The following CD55 variants were observed in gnomAD, a reference collection of about 807,000 sequenced individuals.
CD55 encodes the protein CD55 molecule (Cromer blood group), also known as complement decay-accelerating factor.
A neutral mutation model predicts 45.8 loss-of-function variants in CD55; 41 were observed. That is an observed-to-expected ratio of 0.90 (90% CI 0.70 to 1.16). The LOEUF is 1.16. CD55 is among the 50% of genes most tolerant of loss of function. The pLI, the probability that CD55 is intolerant of heterozygous loss-of-function variation, is 0.00. For missense variants in CD55, 416 were observed against 469.8 expected (o/e 0.89, Z 1.06); for synonymous variants, 181 against 181.1 (o/e 1.00, Z 0.01).
At chr1:207,348,324 T>C (rs1655730776) in intron 9 of CD55, among the ~76,000 whole-genome samples, 1 of 152,188 alleles carries the variant, frequency 6.6e-6, no homozygotes, top group Non-Finnish European at 1.5e-5. Flanking sequence ...ATTAGTGATG[T>C]TGAGCATTTT....
At chr1:207,331,512 T>G (rs577497175) in intron 6 of CD55, among the ~76,000 whole-genome samples, 301 of 152,330 alleles carry the variant, frequency 2.0e-3, no homozygotes, top group African/African-American at 7.0e-3. Flanking sequence ...TATTATGATG[T>G]GTATATATAA....
At chr1:207,330,597 C>A (rs767929401) in intron 5 of CD55, among the ~76,000 whole-genome samples, 14 of 152,164 alleles carry the variant, frequency 9.2e-5, no homozygotes, top group Non-Finnish European at 1.6e-4. Context: ...ATGATCTATA[C>A]TTAACTCTTA....
At chr1:207,347,360 C>T (rs67493125) in intron 9 of CD55, 12 of 368,436 alleles carry the variant, frequency 3.3e-5, no homozygotes, top group Admixed American at 1.3e-4. Flanking sequence ...CCCGGGTTCA[C>T]GCCATTCTCC....
At chr1:207,351,948 A>G (rs1229865044) in intron 9 of CD55, among the ~76,000 whole-genome samples, 1 of 152,184 alleles carries the variant, frequency 6.6e-6, no homozygotes, top group East Asian at 1.9e-4. Context: ...TTTGTAGGAC[A>G]TAAACCTGAA....
In CD55 at chr1:207,322,422, A is replaced by G; in HGVS notation, c.141A>G (p.Pro47=). The part of the protein sequence containing the change: ...GLPPDVPNAQ[P]ALEGRTSFPE... ...CCCCAGATGTACCTAATGCCCAGCC[A>G]GCTTTGGAAGGCCGTACAAGTTTTC... Residue 47 remains proline (P), a synonymous_variant, in exon 2 of 10, where the codon CCA becomes CCG. Coordinates refer to ENST00000367064, the MANE Select transcript of CD55 (RefSeq NM_000574.5). 1.2e-6 allele frequency: 2 copies of G among 1,614,220 alleles called. No individual in the cohort carries two copies. The highest frequency in any genetic ancestry group is 2.7e-5 in the African/African-American group (2 of 75,074).
chr1:207,331,265 A>C lies in CD55; in HGVS notation c.822A>C (p.Gly274=). 4 of 1,613,834 alleles carry C rather than the reference A, an allele frequency of 2.5e-6. No homozygotes were observed. The highest frequency in any genetic ancestry group is 3.4e-6 in the Non-Finnish European group (4 of 1,179,828). ...SIYCTVNNDE[G]EWSGPPPECR... is the part of the protein sequence containing the mutation. The stretch of plus-strand genomic sequence containing the variant: ...ATTGTACTGTGAATAATGATGAAGG[A>C]GAGTGGAGTGGCCCACCACCTGAAT... Residue 274 remains glycine, a synonymous_variant, in exon 6 of 10, where the codon GGA becomes GGC. Coordinates refer to ENST00000367064, the MANE Select transcript of CD55 (RefSeq NM_000574.5).
intron 8 of CD55, among the ~76,000 whole-genome samples, chr1:207,338,579 T>TTTTACTCTTAGGTACAATTAA (rs1384300693): frequency 5.9e-5 from 9 of 152,160 alleles, no homozygotes; most frequent in African/African-American, 1.9e-4. Context: ...TGGGATCAAA[T>TTTTACTCTTAGGTACAATTAA]TTTACTCTTA....
chr1:207,339,321 G>A, intron 8 of CD55, 76 bp from the exon 9 acceptor site: 1 of 989,866 alleles, frequency 1.0e-6, no homozygotes, highest in East Asian at 2.4e-5. Flanking sequence ...TTTATTGATA[G>A]TATATGAAAT....
chr1:207,325,554 A>C, intron 3 of CD55, 68 bp from the exon 4 acceptor site: 1 of 908,948 alleles, frequency 1.1e-6, no homozygotes, highest in Non-Finnish European at 1.8e-6. Context: ...ACCACCTCAC[A>C]TAGTTACCTT....
At chr1:207,342,927 G>T (rs1446209613) in intron 9 of CD55, among the ~76,000 whole-genome samples, 1 of 152,094 alleles carries the variant, frequency 6.6e-6, no homozygotes, top group African/African-American at 2.4e-5. Flanking sequence ...AGTCTTGATA[G>T]GGAGCATGTC....
intron 6 of CD55, among the ~76,000 whole-genome samples, chr1:207,335,638 ATT>A (rs143923017): frequency 2.1e-3 from 323 of 152,280 alleles, no homozygotes; most frequent in Non-Finnish European, 2.9e-3. Context: ...AATGATTATC[ATT>A]GTTTGAGTGC....
chr1:207,347,384 C>G (rs914465505), intron 9 of CD55: 4 of 360,342 alleles, frequency 1.1e-5, no homozygotes, highest in Non-Finnish European at 2.2e-5. Context: ...CTCAGCCTCC[C>G]AAGTAGCTGG....
At chr1:207,350,854 C>G (rs900925843) in intron 9 of CD55, among the ~76,000 whole-genome samples, 4 of 152,012 alleles carry the variant, frequency 2.6e-5, no homozygotes, top group Non-Finnish European at 5.9e-5. Flanking sequence ...TTATTCAGTT[C>G]AGCTCTGATT....
chr1:207,356,492 G>C (rs74769789), intron 9 of CD55, among the ~76,000 whole-genome samples: 3 of 152,178 alleles, frequency 2.0e-5, no homozygotes, highest in Non-Finnish European at 4.4e-5. Flanking sequence ...ATAGTATCTA[G>C]TGTTGCACAG....
intron 9 of CD55, among the ~76,000 whole-genome samples, chr1:207,343,225 G>C (rs1033824702): frequency 4.0e-5 from 6 of 151,778 alleles, no homozygotes; most frequent in Admixed American, 1.3e-4. Context: ...TAATTTTGGG[G>C]TTGGTTTGTT....
intron 9 of CD55, among the ~76,000 whole-genome samples, chr1:207,353,045 T>TTTTTG (rs1655933663): frequency 2.2e-5 from 3 of 135,642 alleles, no homozygotes; most frequent in African/African-American, 8.3e-5. Flanking sequence ...ACCAGGTTTT[T>TTTTTG]TTTTTTTTTT....
chr1:207,351,849 CGGCATTCCAGCTT>C (rs1655879604), intron 9 of CD55, among the ~76,000 whole-genome samples: 1 of 152,034 alleles, frequency 6.6e-6, no homozygotes, highest in Non-Finnish European at 1.5e-5. Context: ...TTTCCTTAGT[CGGCATTCCAGCTT>C]GTGTTAAAAA....
intron 5 of CD55, among the ~76,000 whole-genome samples, chr1:207,328,692 A>G (rs913907631): frequency 6.6e-6 from 1 of 152,210 alleles, no homozygotes; most frequent in Non-Finnish European, 1.5e-5. Context: ...CTATATGACT[A>G]TCATGCCAGA....
At chr1:207,330,419 C>T (rs1401987251) in intron 5 of CD55, among the ~76,000 whole-genome samples, 1 of 151,300 alleles carries the variant, frequency 6.6e-6, no homozygotes, top group South Asian at 2.1e-4. Flanking sequence ...GGGAGTGGTC[C>T]CTTTTTACAG....
Sources: allele counts gnomAD v4.1 joint callset (sites outside exome capture counted in the v4.1 genomes callset), GRCh38; gene constraint gnomAD v4.1.1; transcripts MANE v1.5; gene names NCBI Gene and HGNC (gene_info 2026-07-23, HGNC 2026-07-21).